GPANK1: variants seen among roughly 807,000 people sequenced by gnomAD.
The protein encoded by GPANK1 is G-patch domain and ankyrin repeats 1.
Under a neutral mutation model 24.0 loss-of-function variants are expected in GPANK1, and 22 were observed. That is an observed-to-expected ratio of 0.92 (90% confidence interval 0.66 to 1.31). The LOEUF is 1.31. Ranked by LOEUF, GPANK1 falls within the 50% of genes most tolerant of loss-of-function variation. The pLI, the probability that GPANK1 is intolerant of heterozygous loss-of-function variation, is 0.00. For synonymous variants in GPANK1, 174 were observed against 177.4 expected (o/e 0.98, Z 0.15); for missense variants, 469 against 453.5 (o/e 1.03, Z -0.31).
At chr6:31,665,458 G>A (rs1321894588), upstream of GPANK1, 4 of 1,569,492 alleles carry the variant, frequency 2.5e-6, no homozygotes, top group East Asian at 2.4e-5. Context: ...ATGGAGAAGT[G>A]CAAAGGGACG....
In GPANK1 at chr6:31,661,901, G is replaced by C; in HGVS notation, c.*365C>G. On this transcript the variant is annotated 3_prime_UTR_variant, in exon 3 of 3. Coordinates refer to ENST00000375896, the MANE Select transcript of GPANK1 (RefSeq NM_033177.4). The stretch of plus-strand genomic sequence containing the variant: ...CGAAGCTGGGCAATTCTTGGTCCAG[G>C]GGGGTTGAAAGAATAGGTGGGGGAC... 4.2e-6 allele frequency: 1 copy of C among 237,524 alleles called. No individual in the cohort carries two copies. Among genetic ancestry groups the C allele is most frequent in the Non-Finnish European group, 8.1e-6 (1 of 124,220 alleles). The allele number at this position is 237,524 out of a possible 1,614,324, so 14.7% of individuals were successfully genotyped here.
Position 31,664,189 on chromosome 6 carries a change from G to C in GPANK1, c.290C>G (p.Ser97Cys). Residue 97 changes from serine (S) to cysteine (C), a missense_variant, in exon 2 of 3, where the codon TCC (serine) becomes TGC (cysteine). Transcript: ENST00000375896. ...GASGRHGQGRSLEAEDKMTHR... is the reference protein window; with the variant it reads ...GASGRHGQGRCLEAEDKMTHR... ...AGTCATCTTATCCTCAGCCTCAAGGGATCTCCCTTGTCCATGTCTTCCTGA... is the reference window on the plus strand; with the variant it reads ...AGTCATCTTATCCTCAGCCTCAAGGCATCTCCCTTGTCCATGTCTTCCTGA... 6.2e-7 allele frequency: 1 copy of C among 1,614,218 alleles called. No homozygotes were observed. Among genetic ancestry groups the C allele is most frequent in the Non-Finnish European group, 8.5e-7 (1 of 1,180,046 alleles).
Position 31,662,419 on chromosome 6 carries a change from C to T in GPANK1, c.918G>A (p.Val306=), listed in dbSNP as rs146741893. ...LGYRSAPQPR[V]THFPAWDTRA... ...GGGTATCCCAAGCTGGGAAATGTGT[C>T]ACTCGGGGCTGGGGTGCTGATCTGT... Residue 306 remains valine, a synonymous_variant, in exon 3 of 3, where the codon GTG becomes GTA. Transcript: ENST00000375896. The surrounding 1 kb of genome is among the most constrained non-coding windows in gnomAD (Gnocchi z 5.5). The T allele has an allele frequency of 3.4e-4, 544 of 1,612,578 alleles. No individual in the cohort carries two copies. The Admixed American group carries it at 3.6e-3, about 11-fold the overall frequency.
In GPANK1 at chr6:31,662,014, C is replaced by A; in HGVS notation, c.*252G>T. ...CACCTGGAGAGGCTGCCCCTTCTGACTCAGGTGGGACTTGCATGTGGCTCC... is the reference window on the plus strand; with the variant it reads ...CACCTGGAGAGGCTGCCCCTTCTGAATCAGGTGGGACTTGCATGTGGCTCC... On this transcript the variant is annotated 3_prime_UTR_variant, in exon 3 of 3. Transcript: ENST00000375896. The surrounding 1 kb of genome is among the most constrained non-coding windows in gnomAD (Gnocchi z 5.5). The A allele has an allele frequency of 2.5e-6, 1 of 402,622 alleles. No individual in the cohort carries two copies. The highest frequency in any genetic ancestry group is 4.4e-6 in the Non-Finnish European group (1 of 228,016). The allele number at this position is 402,622 out of a possible 1,614,324, so 24.9% of individuals were successfully genotyped here.
At chr6:31,665,527 G>GGCCCCC, upstream of GPANK1, 1 of 1,537,032 alleles carries the variant, frequency 6.5e-7, no homozygotes, top group Non-Finnish European at 8.8e-7. Context: ...TTCTCACACC[G>GGCCCCC]CCCACCCCAC....
intron 2 of GPANK1, among the ~76,000 whole-genome samples, chr6:31,663,563 G>A (rs1801189986): frequency 6.6e-6 from 1 of 152,162 alleles, no homozygotes; most frequent in Admixed American, 6.5e-5. Context: ...CACTATTCTA[G>A]CATTTTACAT....
rs1043507095 is a variant in GPANK1, at chr6:31,662,556, T to A, written c.781A>T (p.Lys261Ter). 6.2e-7 allele frequency: 1 copy of A among 1,612,994 alleles called. No individual in the cohort carries two copies. The highest frequency in any genetic ancestry group is 1.7e-5 in the Admixed American group (1 of 60,000). ...LGVPISSPGF[K>*]LLLRGGWEPG... ...TCCCAGCCCCCCCTCAGCAGCAGTT[T>A]GAAGCCCGGGCTGGAGATGGGCACC... The change falls in exon 3 of 3, where the codon AAA becomes TAA. Residue 261 changes from lysine to a stop codon, truncating the protein, a stop_gained. Transcript: ENST00000375896. LOFTEE classifies it high-confidence loss of function. The surrounding 1 kb of genome is among the most constrained non-coding windows in gnomAD (Gnocchi z 5.5).
At position 31,664,961 on chromosome 6, in the gene GPANK1, T is replaced by C. The variant is rs1407168248; in HGVS notation, c.-220A>G. 2 of 230,914 alleles carry C rather than the reference T, an allele frequency of 8.7e-6. No homozygotes were observed. Among genetic ancestry groups the C allele is most frequent in the Non-Finnish European group, 1.7e-5 (2 of 115,364 alleles). 14.3% of individuals were successfully genotyped at this position (230,914 alleles called of 1,614,324 possible). A position where few individuals can be genotyped will look rare whatever the true frequency, so the allele number is the denominator to read the frequency against. ...AGAAGATCTCGGGGAGAGTCTCCTA[T>C]ACGTGTTGCTGTGTAGCTTCCGTAC... is the stretch of plus-strand genomic sequence containing the variant. On this transcript the variant is annotated 5_prime_UTR_variant, in exon 1 of 3. Transcript: ENST00000375896.
At position 31,662,016 on chromosome 6, in the gene GPANK1, CAGGT is replaced by C; in HGVS notation, c.*246_*249del. On this transcript the variant is annotated 3_prime_UTR_variant, in exon 3 of 3. Transcript: ENST00000375896. The surrounding 1 kb of genome is among the most constrained non-coding windows in gnomAD (Gnocchi z 5.5). ...CCTGGAGAGGCTGCCCCTTCTGACTCAGGTGGGACTTGCATGTGGCTCCCAGGCT... is the reference window on the plus strand; with the variant it reads ...CCTGGAGAGGCTGCCCCTTCTGACTCGGGACTTGCATGTGGCTCCCAGGCT... The C allele has an allele frequency of 2.5e-6, 1 of 404,918 alleles. No individual in the cohort carries two copies. The highest frequency in any genetic ancestry group is 4.4e-6 in the Non-Finnish European group (1 of 229,400). The allele number at this position is 404,918 out of a possible 1,614,324, so 25.1% of individuals were successfully genotyped here.
At position 31,662,653 on chromosome 6, in the gene GPANK1, G is replaced by C. The variant is rs1445256757; in HGVS notation, c.684C>G (p.Ser228=). The C allele has an allele frequency of 6.2e-7, 1 of 1,611,838 alleles. No individual in the cohort carries two copies. The highest frequency in any genetic ancestry group is 8.5e-7 in the Non-Finnish European group (1 of 1,179,228). Residue 228 remains serine, a synonymous_variant, in exon 3 of 3, where the codon TCC becomes TCG. Transcript: ENST00000375896. The surrounding 1 kb of genome is among the most constrained non-coding windows in gnomAD (Gnocchi z 5.5). ...GGTGAGCAGTGGATGTGCGGTGGTT[G>C]GAATCTTGGAAGTGGGTGTCACAGT... is the stretch of plus-strand genomic sequence containing the variant. ...CENCDTHFQD[S]NHRTSTAHLL...
rs1800931681 is a variant in GPANK1, at chr6:31,662,096, TG to T, written c.*169del. Reference sequence around the variant, plus strand: ...TCCAGAAAAGTGAATAAACCACAAATGGTTGATTTATTTCTGACTCTCAGCC... The same window carrying T: ...TCCAGAAAAGTGAATAAACCACAAATGTTGATTTATTTCTGACTCTCAGCC... On this transcript the variant is annotated 3_prime_UTR_variant, in exon 3 of 3. Coordinates refer to ENST00000375896, the MANE Select transcript of GPANK1 (RefSeq NM_033177.4). This position sits in a 1 kb window ranked among gnomAD's most constrained non-coding sequence, Gnocchi z 5.5. 1 of 443,426 alleles carries T rather than the reference TG, an allele frequency of 2.3e-6. No homozygotes were observed. The highest frequency in any genetic ancestry group is 4.0e-6 in the Non-Finnish European group (1 of 249,350). 27.5% of individuals were successfully genotyped at this position (443,426 alleles called of 1,614,324 possible). A position where few individuals can be genotyped will look rare whatever the true frequency, so the allele number is the denominator to read the frequency against.
chr6:31,665,466 A>G (rs1198785196), upstream of GPANK1: 1 of 1,569,934 alleles, frequency 6.4e-7, no homozygotes, highest in African/African-American at 1.4e-5. Flanking sequence ...GTGCAAAGGG[A>G]CGAGCAGAAT....
Position 31,662,714 on chromosome 6 carries a change from C to A in GPANK1, c.627-4G>T, listed in dbSNP as rs1801043945. 1.3e-6 allele frequency: 2 copies of A among 1,554,024 alleles called. No individual in the cohort carries two copies. The highest frequency in any genetic ancestry group is 8.8e-7 in the Non-Finnish European group (1 of 1,141,780). ...CTGGAGGGAGGGAGTAGGAGACCTG[C>A]AGAGAAAGAAGAAAAAGCATTAAGG... On this transcript the variant is annotated splice_polypyrimidine_tract_variant and splice_region_variant and intron_variant, in intron 2 of 2. Coordinates refer to ENST00000375896, the MANE Select transcript of GPANK1 (RefSeq NM_033177.4). This position sits in a 1 kb window ranked among gnomAD's most constrained non-coding sequence, Gnocchi z 5.5.
chr6:31,665,489 C>A, upstream of GPANK1: 1 of 1,564,586 alleles, frequency 6.4e-7, no homozygotes, highest in Non-Finnish European at 8.7e-7. Context: ...CTGGCACCAC[C>A]TCAGGTTAGC....
At position 31,662,126 on chromosome 6, in the gene GPANK1, C is replaced by G; in HGVS notation, c.*140G>C. The G allele has an allele frequency of 3.9e-6, 2 of 510,670 alleles. No homozygotes were observed. The highest frequency in any genetic ancestry group is 7.1e-6 in the Non-Finnish European group (2 of 282,240). The allele number at this position is 510,670 out of a possible 1,614,324, so 31.6% of individuals were successfully genotyped here. ...GATTTATTTCTGACTCTCAGCCCGT[C>G]TCTCACGAAGACAGAGCCTATTGAC... On this transcript the variant is annotated 3_prime_UTR_variant, in exon 3 of 3. Transcript: ENST00000375896. The surrounding 1 kb of genome is among the most constrained non-coding windows in gnomAD (Gnocchi z 5.5).
At chr6:31,666,048 G>A, upstream of GPANK1, 1 of 995,856 alleles carries the variant, frequency 1.0e-6, no homozygotes, top group South Asian at 4.2e-5. Flanking sequence ...GACCCTTGGC[G>A]CTTGCGTGTT....
chr6:31,666,162 A>G (rs1801671495), upstream of GPANK1: 2 of 990,360 alleles, frequency 2.0e-6, no homozygotes, highest in Non-Finnish European at 1.2e-6. Context: ...GTTCCCTGGA[A>G]GTAGCAACTT....
At chr6:31,666,102 C>A, upstream of GPANK1, 1 of 993,476 alleles carries the variant, frequency 1.0e-6, no homozygotes, top group Non-Finnish European at 1.2e-6. Flanking sequence ...CCCCACCCCA[C>A]TTCGCCTGCC....
In GPANK1 at chr6:31,664,111, A is replaced by C. The variant is rs1452658972; in HGVS notation, c.368T>G (p.Leu123Arg). ...TCCTCCTGCCTCATGCGGTTCCAGC[A>C]GTCTCCTAAGTTCTGGCAGGTCCCC... Reference protein sequence around the residue: ...QEGDLPELRRLLEPHEAGGAG... With the variant: ...QEGDLPELRRRLEPHEAGGAG... The change falls in exon 2 of 3, where the codon CTG becomes CGG. Residue 123 changes from leucine to arginine, a missense_variant. Leu to Arg is a moderately radical substitution (Grantham distance 102). Coordinates refer to ENST00000375896, the MANE Select transcript of GPANK1 (RefSeq NM_033177.4). 1.2e-6 allele frequency: 2 copies of C among 1,614,104 alleles called. 1 individual carries two copies. The highest frequency in any genetic ancestry group is 2.7e-5 in the African/African-American group (2 of 74,936).
Sources: gnomAD v4.1 joint callset for allele counts (sites outside exome capture counted in the v4.1 genomes callset) on GRCh38, gnomAD v4.1.1 for gene constraint, Gnocchi (gnomAD v3.1) non-coding constraint, MANE v1.5 for transcripts, NCBI Gene and HGNC (gene_info 2026-07-23, HGNC 2026-07-21) for gene names.